The following ATP6V0A2 variants were observed in gnomAD, a reference collection of about 807,000 sequenced individuals.
ATP6V0A2 encodes ATPase H+ transporting V0 subunit a2.
A neutral mutation model predicts 104.4 loss-of-function variants in ATP6V0A2; 58 were observed. That is an observed-to-expected ratio of 0.56 (90% CI 0.45 to 0.69). ATP6V0A2 has a LOEUF of 0.69. ATP6V0A2 is among the 30% of genes least tolerant of loss of function. The pLI, the probability that ATP6V0A2 is intolerant of heterozygous loss-of-function variation, is 0.00. For synonymous variants in ATP6V0A2, 376 were observed against 397.9 expected, an observed-to-expected ratio of 0.95 and a Z score of 0.65; for missense variants, 938 against 1,062.9, an observed-to-expected ratio of 0.88 and a Z score of 1.63.
intron 3 of ATP6V0A2, chr12:123,724,099 A>T (rs1956425583): frequency 6.6e-6 from 1 of 151,744 alleles, no homozygotes; most frequent in South Asian, 2.1e-4. Flanking sequence ...CTATTTATTT[A>T]TTTACTTTGA....
chr12:123,756,535 C>G, intron 18 of ATP6V0A2: 1 of 440,682 alleles, frequency 2.3e-6, no homozygotes, highest in Non-Finnish European at 4.1e-6. Context: ...GTCCAGTGCG[C>G]TTTGGGAGGT....
rs75746974 is a variant in ATP6V0A2, at chr12:123,737,187, C to T, written c.954C>T (p.Asp318=). Reference sequence around the variant, plus strand: ...ACATGCTGAACATGTGCAGCTTTGACGTGACCAACAAGTGCCTCATTGCTG... The same window carrying T: ...ACATGCTGAACATGTGCAGCTTTGATGTGACCAACAAGTGCCTCATTGCTG... ...IYHMLNMCSF[D]VTNKCLIAEV... is the part of the protein sequence containing the mutation. The change falls in exon 9 of 20, where the codon GAC becomes GAT. Residue 318 remains aspartate, a synonymous_variant. Transcript: ENST00000330342. 2.1e-4 allele frequency: 342 copies of T among 1,614,140 alleles called. 4 individuals are homozygous for T. The East Asian group carries it at 5.5e-3, about 26-fold the overall frequency.
chr12:123,752,744 A>G (rs1030055944), intron 17 of ATP6V0A2, among the ~76,000 whole-genome samples: 3 of 152,308 alleles, frequency 2.0e-5, no homozygotes, highest in Admixed American at 1.3e-4. Context: ...ATAGAGACCC[A>G]GTTTTTTCTG....
intron 13 of ATP6V0A2, among the ~76,000 whole-genome samples, chr12:123,745,997 T>C (rs376858175): frequency 3.9e-5 from 6 of 152,266 alleles, no homozygotes; most frequent in African/African-American, 1.4e-4. Flanking sequence ...CTGTTTATTC[T>C]TATCTCTAAT....
chr12:123,718,421 C>T (rs549101690), intron 1 of ATP6V0A2, among the ~76,000 whole-genome samples: 14 of 152,178 alleles, frequency 9.2e-5, no homozygotes, highest in African/African-American at 3.1e-4. Flanking sequence ...GTTGGGGTTT[C>T]ACCGTGTTGG....
chr12:123,730,195 C>T (rs1396625929), intron 6 of ATP6V0A2, among the ~76,000 whole-genome samples: 2 of 151,910 alleles, frequency 1.3e-5, no homozygotes, highest in Non-Finnish European at 1.5e-5. Flanking sequence ...GCTGGGACTA[C>T]AGGAGGCCGC....
rs1021986739 is a variant in ATP6V0A2 at position 123,727,968 on chromosome 12, A to G, written c.648+59A>G. 3.7e-6 allele frequency: 6 copies of G among 1,610,502 alleles called. No homozygotes were observed. In the African/African-American group the frequency reaches 8.0e-5, roughly 22 times the overall value. On this transcript the variant is annotated intron_variant, in intron 6 of 19. Transcript: ENST00000330342. ...ACGGACTAACAGCAGAGTTGGAGAT[A>G]TGGTAGAAAGAATGTTTTTCTCCTG...
intron 15 of ATP6V0A2, among the ~76,000 whole-genome samples, chr12:123,749,084 G>A (rs889003409): frequency 1.3e-5 from 2 of 152,314 alleles, no homozygotes; most frequent in African/African-American, 4.8e-5. Flanking sequence ...GAGCCCGTGA[G>A]TTCGAGACCA....
At position 123,726,325 on chromosome 12, in the gene ATP6V0A2, C is replaced by T. The variant is rs111865336; in HGVS notation, c.521+40C>T. On this transcript the variant is annotated intron_variant, in intron 5 of 19. Transcript: ENST00000330342. ...CTGGGGTGTCAGGCTTCATACTGCC[C>T]TTCTTGTAAAAGGCAGATGAGCTCC... The T allele has an allele frequency of 0.018, 26,315 of 1,453,818 alleles. 338 individuals carry two copies. Among genetic ancestry groups the T allele is most frequent in the South Asian group, 0.038 (3,350 of 87,814 alleles). The allele number at this position is 1,453,818 out of a possible 1,614,324, so 90.1% of individuals were successfully genotyped here.
chr12:123,743,646 T>G, intron 9 of ATP6V0A2, 139 bp from the exon 10 acceptor site: 1 of 918,928 alleles, frequency 1.1e-6, no homozygotes, highest in Non-Finnish European at 1.6e-6. Context: ...AGAGTGAAAC[T>G]CCGTCTCAAA....
chr12:123,738,277 C>T (rs771239521), intron 9 of ATP6V0A2, among the ~76,000 whole-genome samples: 2 of 152,116 alleles, frequency 1.3e-5, no homozygotes, highest in Middle Eastern at 6.8e-3. Flanking sequence ...TGGCACATGC[C>T]TGTAATCCCA....
chr12:123,742,343 G>T (rs1038451303), intron 9 of ATP6V0A2, among the ~76,000 whole-genome samples: 2 of 152,192 alleles, frequency 1.3e-5, no homozygotes, highest in Non-Finnish European at 2.9e-5. Context: ...CTGCTGGGTA[G>T]GTCTTGTAGC....
intron 4 of ATP6V0A2, among the ~76,000 whole-genome samples, 167 bp downstream of exon 4, chr12:123,724,958 G>A (rs1019918845): frequency 6.6e-6 from 1 of 151,934 alleles, no homozygotes; most frequent in Non-Finnish European, 1.5e-5. Context: ...TTTTTGAGAC[G>A]GAATTTTGCT....
chr12:123,758,687 A>AT lies in ATP6V0A2; in HGVS notation c.*662dup, dbSNP rs1197958759. ...AGGCATGCGCCACCGTGACCAGCTA[A>AT]TTTTTTTGTATTTTTGTAGAGATGG... On this transcript the variant is annotated 3_prime_UTR_variant, in exon 20 of 20. Coordinates refer to ENST00000330342, the MANE Select transcript of ATP6V0A2 (RefSeq NM_012463.4). 2 of 151,850 alleles carry AT rather than the reference A, an allele frequency of 1.3e-5. No homozygotes were observed. The highest frequency in any genetic ancestry group is 2.9e-5 in the Non-Finnish European group (2 of 68,008). The allele number at this position is 151,850 out of a possible 1,614,324, so 9.4% of individuals were successfully genotyped here.
Position 123,748,804 on chromosome 12 carries a change from C to G in ATP6V0A2, c.1935+19C>G, listed in dbSNP as rs747876834. On this transcript the variant is annotated intron_variant, in intron 15 of 19. Coordinates refer to ENST00000330342, the MANE Select transcript of ATP6V0A2 (RefSeq NM_012463.4). The stretch of plus-strand genomic sequence containing the variant: ...AGGGCAGGTGAGTCATCTTCCCACC[C>G]TCATGAACTTAACGGAAGTATTCCC... 14 of 1,593,118 alleles carry G rather than the reference C, an allele frequency of 8.8e-6. No individual in the cohort carries two copies. Among genetic ancestry groups the G allele is most frequent in the Non-Finnish European group, 1.2e-5 (14 of 1,161,120 alleles).
In ATP6V0A2 at chr12:123,756,925, A is replaced by G. The variant is rs962471385; in HGVS notation, c.2404A>G (p.Ile802Val). The G allele has an allele frequency of 1.2e-6, 2 of 1,614,042 alleles. No homozygotes were observed. The highest frequency in any genetic ancestry group is 4.5e-5 in the East Asian group (2 of 44,868). ...PVIALFAVLT[I>V]FILLIMEGLS... ...TATCGCGCTCTTTGCAGTTTTGACC[A>G]TTTTCATCCTTCTGATCATGGAAGG... is the stretch of plus-strand genomic sequence containing the variant. The change falls in exon 19 of 20, where the codon ATT (isoleucine) becomes GTT (valine). Residue 802 changes from isoleucine to valine, a missense_variant. By Grantham distance (29) the Ile-to-Val change is conservative. Coordinates refer to ENST00000330342, the MANE Select transcript of ATP6V0A2 (RefSeq NM_012463.4).
In ATP6V0A2 at chr12:123,759,493, A is replaced by AT. The variant is rs1365826485; in HGVS notation, c.*1465dup. ...TGAACTTGAGTCAGTCCTATTGAAC[A>AT]TTTTGACCTATATTCTTGCAAATTA... On this transcript the variant is annotated 3_prime_UTR_variant, in exon 20 of 20. Coordinates refer to ENST00000330342, the MANE Select transcript of ATP6V0A2 (RefSeq NM_012463.4). 1 of 152,196 alleles carries AT rather than the reference A, an allele frequency of 6.6e-6. No individual in the cohort carries two copies. Among genetic ancestry groups the AT allele is most frequent in the Non-Finnish European group, 1.5e-5 (1 of 68,032 alleles). 9.4% of individuals were successfully genotyped at this position (152,196 alleles called of 1,614,324 possible). A position where few individuals can be genotyped will look rare whatever the true frequency, so the allele number is the denominator to read the frequency against.
chr12:123,744,322 A>G lies in ATP6V0A2; in HGVS notation c.1311A>G (p.Leu437=). ...LLVLNENHPR[L]NQSQEIMRMF... is the part of the protein sequence containing the mutation. ...TGTTAAATGAAAATCATCCCAGACT[A>G]AATCAGTCACAAGAGGTAAAAATAT... The change falls in exon 11 of 20, where the codon CTA becomes CTG. Residue 437 remains leucine (L), a synonymous_variant. Transcript: ENST00000330342. The surrounding 1 kb of genome is among the most constrained non-coding windows in gnomAD (Gnocchi z 5.4). 2 of 1,614,254 alleles carry G rather than the reference A, an allele frequency of 1.2e-6. No homozygotes were observed. The highest frequency in any genetic ancestry group is 1.7e-6 in the Non-Finnish European group (2 of 1,180,048).
intron 15 of ATP6V0A2, chr12:123,750,701 C>G (rs1956706260): frequency 9.3e-6 from 2 of 214,192 alleles, no homozygotes; most frequent in Non-Finnish European, 1.9e-5. Flanking sequence ...AATCCACTTG[C>G]TGATTCACAC....
Sources: allele counts gnomAD v4.1 joint callset (sites outside exome capture counted in the v4.1 genomes callset), GRCh38; gene constraint gnomAD v4.1.1; non-coding constraint Gnocchi (gnomAD v3.1); transcripts MANE v1.5; gene names NCBI Gene and HGNC (gene_info 2026-07-23, HGNC 2026-07-21).